TENM3: variants seen among roughly 807,000 people sequenced by gnomAD.
The protein encoded by TENM3 is teneurin-3.
TENM3 carries 63 observed loss-of-function variants against 255.1 expected under a neutral mutation model. The observed-to-expected ratio is 0.25, with a 90% CI of 0.20 to 0.30. The LOEUF (loss-of-function observed/expected upper bound fraction) is 0.30, where lower values mean the gene tolerates loss of function less well. Ranked by LOEUF, TENM3 falls within the 10% of genes least tolerant of loss-of-function variation. The pLI, the probability that TENM3 is intolerant of heterozygous loss-of-function variation, is 1.00. For synonymous variants in TENM3, 1,306 were observed against 1,322.3 expected (o/e 0.99, Z 0.27); for missense variants, 2,929 against 3,461.1 (o/e 0.85, Z 3.86).
chr4:181,508,376 T>C, the TENM3 span, among the ~76,000 whole-genome samples: 13 of 152,210 alleles, frequency 8.5e-5, no homozygotes, highest in Non-Finnish European at 1.5e-4. Context: ...ACACTGGAAC[T>C]CCAAAGAGGA....
chr4:181,837,687 G>A, the TENM3 span, among the ~76,000 whole-genome samples: 3 of 152,174 alleles, frequency 2.0e-5, no homozygotes, highest in Admixed American at 1.3e-4. Flanking sequence ...TCGCATAGGA[G>A]CAGATGATCA....
the TENM3 span, among the ~76,000 whole-genome samples, chr4:181,857,548 C>G: frequency 6.3e-5 from 2 of 31,806 alleles, no homozygotes; most frequent in Non-Finnish European, 6.2e-5. Context: ...AACCCTGTCT[C>G]TACAAAAAAA....
intron 1 of TENM3, among the ~76,000 whole-genome samples, chr4:182,247,389 A>T (rs1001074966): frequency 6.6e-6 from 1 of 152,170 alleles, no homozygotes; most frequent in Non-Finnish European, 1.5e-5. Flanking sequence ...TACACAGATG[A>T]TGGTTCCATA....
the TENM3 span, among the ~76,000 whole-genome samples, chr4:181,815,785 C>T: frequency 3.9e-5 from 6 of 152,092 alleles, no homozygotes; most frequent in Non-Finnish European, 5.9e-5. Flanking sequence ...AAATTGGTCT[C>T]ATTAGAGCAT....
intron 3 of TENM3, among the ~76,000 whole-genome samples, chr4:182,555,565 A>G (rs1742499756): frequency 6.6e-6 from 1 of 152,172 alleles, no homozygotes; most frequent in Non-Finnish European, 1.5e-5. Flanking sequence ...GGCCTGGTTC[A>G]AGTAGGTGCT....
intron 3 of TENM3, among the ~76,000 whole-genome samples, chr4:182,569,761 C>T (rs1479303403): frequency 6.6e-6 from 1 of 152,080 alleles, no homozygotes; most frequent in Non-Finnish European, 1.5e-5. Flanking sequence ...GACTATGCCA[C>T]AGTGGAACCA....
intron 4 of TENM3, among the ~76,000 whole-genome samples, chr4:182,618,362 TC>T (rs1470355190): frequency 1.3e-5 from 2 of 152,146 alleles, no homozygotes; most frequent in Non-Finnish European, 2.9e-5. Flanking sequence ...AAGACATTTT[TC>T]CTAGTGACTC....
the TENM3 span, among the ~76,000 whole-genome samples, chr4:182,062,060 A>C: frequency 1.9e-4 from 29 of 152,280 alleles, no homozygotes; most frequent in African/African-American, 6.7e-4. Flanking sequence ...CTTATGTTAG[A>C]TTGAGCTTAA....
the TENM3 span, among the ~76,000 whole-genome samples, chr4:181,948,393 A>G: frequency 6.6e-6 from 1 of 152,234 alleles, no homozygotes; most frequent in South Asian, 2.1e-4. Flanking sequence ...ACAGCCAATA[A>G]ATTATTTTTT....
At chr4:181,980,599 T>C in the TENM3 span, among the ~76,000 whole-genome samples, 1 of 152,214 alleles carries the variant, frequency 6.6e-6, no homozygotes, top group Non-Finnish European at 1.5e-5. Flanking sequence ...CCTTGTAATC[T>C]TCTTTTCTAT....
intron 19 of TENM3, among the ~76,000 whole-genome samples, chr4:182,748,590 G>A (rs979678582): frequency 6.6e-6 from 1 of 152,170 alleles, no homozygotes; most frequent in Non-Finnish European, 1.5e-5. Context: ...GAGCTTCACT[G>A]CCACCAGTCT....
At chr4:181,717,232 G>C in the TENM3 span, among the ~76,000 whole-genome samples, 1 of 152,136 alleles carries the variant, frequency 6.6e-6, no homozygotes, top group African/African-American at 2.4e-5. Flanking sequence ...AATTGAATGT[G>C]GATGCACAAT....
the TENM3 span, among the ~76,000 whole-genome samples, chr4:181,536,759 G>A: frequency 6.6e-6 from 1 of 152,204 alleles, no homozygotes; most frequent in South Asian, 2.1e-4. Context: ...CTACTGGTGG[G>A]CTCTAGTGTG....
At chr4:181,954,006 G>A in the TENM3 span, among the ~76,000 whole-genome samples, 8 of 152,090 alleles carry the variant, frequency 5.3e-5, no homozygotes, top group African/African-American at 9.7e-5. Flanking sequence ...CACAACTAGC[G>A]GCTTCTGTCA....
chr4:181,883,599 C>T, the TENM3 span, among the ~76,000 whole-genome samples: 2 of 152,002 alleles, frequency 1.3e-5, no homozygotes, highest in African/African-American at 4.8e-5. Flanking sequence ...CTCAGCCTCC[C>T]GAGTAGCTGG....
the TENM3 span, among the ~76,000 whole-genome samples, chr4:181,470,170 A>G: frequency 1.3e-5 from 2 of 150,472 alleles, no homozygotes; most frequent in Non-Finnish European, 3.0e-5. Context: ...TTTTAAACAA[A>G]GTATTGTAAG....
chr4:181,561,014 G>A, the TENM3 span, among the ~76,000 whole-genome samples: 4 of 152,074 alleles, frequency 2.6e-5, no homozygotes, highest in African/African-American at 7.2e-5. Flanking sequence ...GTGCAGTGAC[G>A]CGATTTCAAC....
intron 26 of TENM3, among the ~76,000 whole-genome samples, chr4:182,795,290 G>A (rs764726648): frequency 3.3e-5 from 5 of 151,880 alleles, no homozygotes; most frequent in Non-Finnish European, 7.4e-5. Flanking sequence ...CAATACTTAC[G>A]GTCCTCTGAT....
chr4:181,486,854 A>T, the TENM3 span, among the ~76,000 whole-genome samples: 5 of 152,216 alleles, frequency 3.3e-5, no homozygotes, highest in Non-Finnish European at 5.9e-5. Context: ...GTACAATTAC[A>T]TTGGCATCTG....
Sources: gnomAD v4.1 joint callset for allele counts (sites outside exome capture counted in the v4.1 genomes callset) on GRCh38, gnomAD v4.1.1 for gene constraint, MANE v1.5 for transcripts, NCBI Gene and HGNC (gene_info 2026-07-23, HGNC 2026-07-21) for gene names.